FRYL: variants seen among roughly 807,000 people sequenced by gnomAD.
The protein encoded by FRYL is protein furry homolog-like.
FRYL carries 150 observed loss-of-function variants against 351.2 expected under a neutral mutation model. The observed-to-expected ratio is 0.43, with a 90% CI of 0.37 to 0.49. FRYL has a LOEUF of 0.49. Among genes scored for constraint, FRYL ranks in the 20% least tolerant of loss-of-function variants. The pLI is 0.00. For missense variants in FRYL, 3,036 were observed against 3,619.3 expected, an observed-to-expected ratio of 0.84 and a Z score of 4.13; for synonymous variants, 1,153 against 1,257.1, an observed-to-expected ratio of 0.92 and a Z score of 1.75.
intron 47 of FRYL, among the ~76,000 whole-genome samples, chr4:48,538,454 C>T (rs1272093867): frequency 1.3e-5 from 2 of 152,088 alleles, no homozygotes; most frequent in Non-Finnish European, 2.9e-5. Flanking sequence ...AAGGTTCTTA[C>T]TCTTATTAAT....
At chr4:48,776,725 A>G (rs1212610323) in intron 1 of FRYL, among the ~76,000 whole-genome samples, 2 of 152,336 alleles carry the variant, frequency 1.3e-5, no homozygotes, top group East Asian at 1.9e-4. Flanking sequence ...CTATGTAACA[A>G]TAGTTGAAAT....
chr4:48,534,131 C>T (rs906397830), intron 49 of FRYL, among the ~76,000 whole-genome samples: 1 of 152,124 alleles, frequency 6.6e-6, no homozygotes, highest in African/African-American at 2.4e-5. Flanking sequence ...GAGGCTGAGG[C>T]AGGAGACTCA....
intron 1 of FRYL, among the ~76,000 whole-genome samples, chr4:48,714,624 T>C (rs1768521939): frequency 2.0e-5 from 3 of 149,726 alleles, no homozygotes; most frequent in African/African-American, 7.3e-5. Context: ...ATTGTGGCAA[T>C]AATCAATAGC....
chr4:48,695,980 C>A (rs961998336), intron 2 of FRYL, among the ~76,000 whole-genome samples: 1 of 152,220 alleles, frequency 6.6e-6, no homozygotes. Flanking sequence ...CAATGAAATA[C>A]CATCTCACGC....
chr4:48,636,442 C>T (rs1355206966), intron 3 of FRYL, among the ~76,000 whole-genome samples: 1 of 151,944 alleles, frequency 6.6e-6, no homozygotes, highest in Non-Finnish European at 1.5e-5. Flanking sequence ...TATAACTAAC[C>T]TAGGTACTTC....
intron 33 of FRYL, among the ~76,000 whole-genome samples, chr4:48,560,767 AGTT>A (rs1185658598): frequency 1.3e-5 from 2 of 152,228 alleles, no homozygotes; most frequent in Admixed American, 1.3e-4. Context: ...TGAGAATTTA[AGTT>A]GTTGTTATTG....
chr4:48,739,211 G>A (rs1187762812), intron 1 of FRYL, among the ~76,000 whole-genome samples: 1 of 152,064 alleles, frequency 6.6e-6, no homozygotes, highest in Non-Finnish European at 1.5e-5. Context: ...GACCAGCCTG[G>A]CCAACATGGC....
chr4:48,620,344 T>C (rs1750401137), intron 6 of FRYL, among the ~76,000 whole-genome samples: 2 of 152,190 alleles, frequency 1.3e-5, no homozygotes, highest in Admixed American at 6.5e-5. Context: ...TTATGACTAT[T>C]AAAAGCTCCT....
chr4:48,505,797 C>T, intron 59 of FRYL, 182 bp from the exon 60 acceptor site: 1 of 512,884 alleles, frequency 1.9e-6, no homozygotes, highest in Non-Finnish European at 3.4e-6. Flanking sequence ...GCAGGGATAG[C>T]ATTAATGTAA....
Position 48,753,139 on chromosome 4 carries a change from G to C in FRYL, c.-384+26939C>G, listed in dbSNP as rs538879404. 1.6e-3 allele frequency among the ~76,000 whole-genome samples: 237 copies of C among 152,232 alleles called. 3 individuals are homozygous for C. Among genetic ancestry groups the C allele is most frequent in the Non-Finnish European group, 1.8e-3 (122 of 68,020 alleles). On this transcript the variant is annotated intron_variant, in intron 1 of 63. Transcript: ENST00000358350. ...AAATCCACTGACCTTGCTAATAAGAGATCTTCTTTCTATTGGCACAGGATC... is the reference window on the plus strand; with the variant it reads ...AAATCCACTGACCTTGCTAATAAGACATCTTCTTTCTATTGGCACAGGATC...
chr4:48,741,955 G>A (rs1202232387), intron 1 of FRYL, among the ~76,000 whole-genome samples: 1 of 152,196 alleles, frequency 6.6e-6, no homozygotes, highest in Middle Eastern at 3.2e-3. Context: ...GTCATTAGAA[G>A]TTTGTCCAAA....
intron 59 of FRYL, among the ~76,000 whole-genome samples, chr4:48,509,835 T>G (rs1175491677): frequency 6.6e-6 from 1 of 152,164 alleles, no homozygotes; most frequent in African/African-American, 2.4e-5. Flanking sequence ...CAAAGAAGCT[T>G]TTTACAAAGC....
In FRYL at chr4:48,535,687, T is replaced by G; in HGVS notation, c.6534A>C (p.Thr2178=). 6.3e-7 allele frequency: 1 copy of G among 1,589,728 alleles called. No homozygotes were observed. Among genetic ancestry groups the G allele is most frequent in the Non-Finnish European group, 8.5e-7 (1 of 1,171,062 alleles). ...CRYLHDSFSD[T]TFNLVTYLAE... ...CAAGATAAGTCACAAGATTAAATGT[T>G]GTATCTGAGAAGGAGTCATGCAGGT... The change falls in exon 48 of 64, where the codon ACA becomes ACC. Residue 2178 remains threonine (T), a synonymous_variant. Coordinates refer to ENST00000358350, the MANE Select transcript of FRYL (RefSeq NM_015030.2).
At chr4:48,532,925 C>T (rs1727989900) in intron 49 of FRYL, among the ~76,000 whole-genome samples, 1 of 152,100 alleles carries the variant, frequency 6.6e-6, no homozygotes, top group Non-Finnish European at 1.5e-5. Flanking sequence ...TTGATTCACA[C>T]ATTTATAAAG....
At chr4:48,628,632 C>A (rs979734851) in intron 4 of FRYL, among the ~76,000 whole-genome samples, 1 of 151,824 alleles carries the variant, frequency 6.6e-6, no homozygotes, top group Admixed American at 6.6e-5. Context: ...ACTATAGTAA[C>A]AATAATACAT....
intron 42 of FRYL, 106 bp from the exon 43 acceptor site, chr4:48,545,010 T>G: frequency 8.5e-7 from 1 of 1,177,010 alleles, no homozygotes; most frequent in South Asian, 1.9e-5. Flanking sequence ...GGATGGTAGT[T>G]GAATAAATAG....
chr4:48,521,573 G>C (rs1247457344), intron 54 of FRYL, among the ~76,000 whole-genome samples: 2 of 152,216 alleles, frequency 1.3e-5, no homozygotes, highest in Non-Finnish European at 2.9e-5. Context: ...ATGGGCACTA[G>C]AGACAGACTG....
chr4:48,737,860 T>C (rs1771616667), intron 1 of FRYL, among the ~76,000 whole-genome samples: 3 of 152,198 alleles, frequency 2.0e-5, no homozygotes, highest in African/African-American at 7.2e-5. Flanking sequence ...GGCTAATAAG[T>C]CATGTGATCA....
At chr4:48,613,314 T>A (rs1748634536) in intron 7 of FRYL, among the ~76,000 whole-genome samples, 1 of 152,140 alleles carries the variant, frequency 6.6e-6, no homozygotes, top group South Asian at 2.1e-4. Flanking sequence ...TGGGGACATT[T>A]CAGATTAGGG....
Sources: allele counts gnomAD v4.1 joint callset (sites outside exome capture counted in the v4.1 genomes callset), GRCh38; gene constraint gnomAD v4.1.1; transcripts MANE v1.5; gene names NCBI Gene and HGNC (gene_info 2026-07-23, HGNC 2026-07-21).